The following AMMECR1 variants were observed in gnomAD, a reference collection of about 807,000 sequenced individuals.
AMMECR1 encodes the protein AMMECR nuclear protein 1.
In AMMECR1, 3 loss-of-function variants were observed where a neutral mutation model predicts 22.5. The ratio of observed to expected loss-of-function variants is 0.13; its 90% CI spans 0.06 to 0.35. The LOEUF is 0.35. Among genes scored for constraint, AMMECR1 ranks in the 10% least tolerant of loss-of-function variants. AMMECR1 has a pLI of 1.00. For synonymous variants in AMMECR1, 130 were observed against 116.7 expected (o/e 1.11, Z -0.74); for missense variants, 235 against 278.7 (o/e 0.84, Z 1.12).
intron 1 of AMMECR1, among the ~76,000 whole-genome samples, chrX:110,303,554 C>T (rs2067979347): frequency 8.9e-6 from 1 of 112,090 alleles, no homozygotes; most frequent in Non-Finnish European, 1.9e-5. Context: ...TTCCATTTGG[C>T]CTCCTATCCC....
chrX:110,359,662 A>G (rs2068250185), intron 2 of AMMECR1, among the ~76,000 whole-genome samples: 1 of 111,932 alleles, frequency 8.9e-6, no homozygotes, highest in African/African-American at 3.2e-5. Context: ...GTAAAAATAT[A>G]CTGAGTGTCT....
chrX:110,286,256 T>C (rs1362551759), intron 1 of AMMECR1, among the ~76,000 whole-genome samples: 5 of 111,704 alleles, frequency 4.5e-5, no homozygotes, highest in Non-Finnish European at 9.4e-5. Context: ...GGTCTGTTTT[T>C]AAAAGAACCC....
intron 2 of AMMECR1, among the ~76,000 whole-genome samples, chrX:110,353,616 A>C (rs905702737): frequency 1.8e-5 from 2 of 108,841 alleles, no homozygotes; most frequent in Admixed American, 1.9e-4. Flanking sequence ...CCACATATTT[A>C]TGAGTTTTTC....
chrX:110,210,307 T>C (rs1458941004), intron 3 of AMMECR1, among the ~76,000 whole-genome samples: 3 of 109,928 alleles, frequency 2.7e-5, no homozygotes, highest in African/African-American at 9.9e-5. Context: ...ATCTTAATGA[T>C]AGTGACATCT....
intron 1 of AMMECR1, among the ~76,000 whole-genome samples, chrX:110,300,603 T>C (rs1158882223): frequency 8.9e-6 from 1 of 112,193 alleles, no homozygotes; most frequent in Non-Finnish European, 1.9e-5. Context: ...AGGTGTGAAA[T>C]GAGTAGGAAT....
intron 1 of AMMECR1, among the ~76,000 whole-genome samples, chrX:110,292,423 C>T (rs968404761): frequency 2.7e-5 from 3 of 112,294 alleles, no homozygotes; most frequent in African/African-American, 9.7e-5. Flanking sequence ...GTGTTTATAA[C>T]AACTTTACTT....
At chrX:110,313,268 T>C (rs2068032512) in intron 1 of AMMECR1, among the ~76,000 whole-genome samples, 1 of 112,425 alleles carries the variant, frequency 8.9e-6, no homozygotes, top group Admixed American at 9.4e-5. Flanking sequence ...AAATACATTT[T>C]ATTAATTGCA....
At chrX:110,297,939 T>G (rs2067946091) in intron 1 of AMMECR1, among the ~76,000 whole-genome samples, 1 of 112,183 alleles carries the variant, frequency 8.9e-6, no homozygotes, top group African/African-American at 3.2e-5. Flanking sequence ...ATTTATATTC[T>G]ACTTTACCTT....
chrX:110,202,626 C>A, intron 3 of AMMECR1, 90 bp from the exon 4 acceptor site: 1 of 568,879 alleles, frequency 1.8e-6, no homozygotes, highest in Non-Finnish European at 2.8e-6. Context: ...GAATGCAGTT[C>A]TTCCTTTCCC....
In AMMECR1 at chrX:110,317,727, C is replaced by G; in HGVS notation, c.345G>C (p.Ser115=). 8.3e-7 allele frequency: 1 copy of G among 1,199,811 alleles called. No homozygotes were observed. The highest frequency in any genetic ancestry group is 1.7e-5 in the African/African-American group (1 of 57,618). The part of the protein sequence containing the change: ...SSSPSSSSAA[S]SSSPGSRKMV... ...TCTTCCGGGAGCCCGGCGATGAGGA[C>G]GAGGCGGCGGACGATGAGGAGGGTG... The change falls in exon 1 of 6, where the codon TCG becomes TCC. Residue 115 remains serine (S), a synonymous_variant. Coordinates refer to ENST00000262844, the MANE Select transcript of AMMECR1 (RefSeq NM_015365.3).
chrX:110,235,276 A>G (rs1282697819), intron 2 of AMMECR1, among the ~76,000 whole-genome samples: 1 of 112,446 alleles, frequency 8.9e-6, no homozygotes, highest in Non-Finnish European at 1.9e-5. Context: ...CAAAACCACA[A>G]TGAGATACCA....
At chrX:110,279,776 C>T (rs2067843580) in intron 1 of AMMECR1, among the ~76,000 whole-genome samples, 1 of 111,259 alleles carries the variant, frequency 9.0e-6, no homozygotes, top group South Asian at 3.8e-4. Context: ...ATCCAGCCCA[C>T]GTGAATGATC....
At chrX:110,292,014 G>A (rs1396964932) in intron 1 of AMMECR1, among the ~76,000 whole-genome samples, 1 of 112,331 alleles carries the variant, frequency 8.9e-6, no homozygotes, top group Non-Finnish European at 1.9e-5. Context: ...CTGCTGTCTA[G>A]TTGATTACAT....
chrX:110,293,062 T>A (rs1414909876), intron 1 of AMMECR1, among the ~76,000 whole-genome samples: 1 of 112,431 alleles, frequency 8.9e-6, no homozygotes, highest in Non-Finnish European at 1.9e-5. Context: ...AAAAAAGATG[T>A]AGAAAAGTAT....
chrX:110,204,092 G>A (rs1442640474), intron 3 of AMMECR1, among the ~76,000 whole-genome samples: 1 of 111,406 alleles, frequency 9.0e-6, no homozygotes, highest in Admixed American at 9.5e-5. Context: ...GGCATTTCCA[G>A]GATAAAGGAC....
intron 2 of AMMECR1, among the ~76,000 whole-genome samples, chrX:110,419,582 A>G (rs1272942794): frequency 8.9e-6 from 1 of 112,703 alleles, no homozygotes; most frequent in Non-Finnish European, 1.9e-5. Flanking sequence ...TCACTCAGCA[A>G]TGTGTCCCTC....
At position 110,362,144 on chromosome X, in the gene AMMECR1, T is replaced by A. The variant is rs753478683; in HGVS notation, c.-147-44295A>T. 9.9e-5 allele frequency among the ~76,000 whole-genome samples: 11 copies of A among 111,571 alleles called. No individual in the cohort carries two copies. The South Asian group carries it at 2.6e-3, about 27-fold the overall frequency. On this transcript the variant is annotated intron_variant, in intron 2 of 7. Coordinates refer to the AMMECR1 transcript ENST00000372057. Reference sequence around the variant, plus strand: ...GATTGGAAAGCTGTGGAATAAAAAATATATATATATAACAGAGCCATTGAT... The same window carrying A: ...GATTGGAAAGCTGTGGAATAAAAAAAATATATATATAACAGAGCCATTGAT...
intron 2 of AMMECR1, among the ~76,000 whole-genome samples, chrX:110,353,153 G>A (rs751001562): frequency 3.6e-5 from 4 of 111,675 alleles, no homozygotes; most frequent in Non-Finnish European, 5.7e-5. Flanking sequence ...TGTGGTATTA[G>A]TTGTAATGTC....
chrX:110,245,789 C>T (rs1394048979), intron 2 of AMMECR1, among the ~76,000 whole-genome samples: 3 of 110,500 alleles, frequency 2.7e-5, no homozygotes, highest in Non-Finnish European at 5.7e-5. Context: ...TTTGGTCCTC[C>T]CAAAGTTTTC....
Sources: gnomAD v4.1 joint callset for allele counts (sites outside exome capture counted in the v4.1 genomes callset) on GRCh38, gnomAD v4.1.1 for gene constraint, MANE v1.5 for transcripts, NCBI Gene and HGNC (gene_info 2026-07-23, HGNC 2026-07-21) for gene names.